PRR12: variants seen among roughly 807,000 people sequenced by gnomAD.
PRR12 encodes proline rich 12.
PRR12 carries 12 observed loss-of-function variants against 138.0 expected under a neutral mutation model. The ratio of observed to expected loss-of-function variants is 0.09; its 90% CI spans 0.06 to 0.14. The LOEUF is 0.14. Ranked by LOEUF, PRR12 falls within the 10% of genes least tolerant of loss-of-function variation. The probability of loss-of-function intolerance (pLI) is 1.00; values close to 1 mark genes in which losing one functional copy is unlikely to be tolerated. For synonymous variants in PRR12, 1,567 were observed against 1,291.7 expected (o/e 1.21, Z -4.57); for missense variants, 2,692 against 2,861.3 (o/e 0.94, Z 1.35).
At chr19:49,621,034 C>T (rs1166703922) in intron 10 of PRR12, among the ~76,000 whole-genome samples, 8 of 91,464 alleles carry the variant, frequency 8.7e-5, no homozygotes, top group East Asian at 3.7e-4. Flanking sequence ...GTCTGGACTC[C>T]TGGGTCTGAG....
At chr19:49,600,538 C>A (rs1414542848) in intron 5 of PRR12, among the ~76,000 whole-genome samples, 1 of 151,072 alleles carries the variant, frequency 6.6e-6, no homozygotes, top group Non-Finnish European at 1.5e-5. Flanking sequence ...GTAATCCTAG[C>A]ACACTTTGGG....
In PRR12 at chr19:49,615,899, C is replaced by T. The variant is rs1260798213; in HGVS notation, c.5177C>T (p.Pro1726Leu). 2 of 1,568,220 alleles carry T rather than the reference C, an allele frequency of 1.3e-6. No individual in the cohort carries two copies. Among genetic ancestry groups the T allele is most frequent in the South Asian group, 2.3e-5 (2 of 85,544 alleles). ...EQTPETAMPE[P>L]PAPEKPSLLR... The stretch of plus-strand genomic sequence containing the variant: ...ACTCCTGAGACGGCCATGCCTGAGC[C>T]CCCTGCCCCCGAGAAGCCCTCCCTC... Residue 1726 changes from proline (P) to leucine (L), a missense_variant, in exon 9 of 14, where the codon CCC becomes CTC. Transcript: ENST00000418929.
chr19:49,620,900 G>A (rs2080919157), intron 10 of PRR12, among the ~76,000 whole-genome samples: 5 of 147,028 alleles, frequency 3.4e-5, no homozygotes, highest in Non-Finnish European at 7.5e-5. Flanking sequence ...TGGACTCCCA[G>A]GTCTGAGGAA....
intron 6 of PRR12, among the ~76,000 whole-genome samples, chr19:49,607,713 GAAAA>G (rs1171813856): frequency 8.7e-6 from 1 of 115,564 alleles, no homozygotes; most frequent in Non-Finnish European, 1.8e-5. Flanking sequence ...GTCTCAAAAA[GAAAA>G]AAAAAAAAGA....
Position 49,599,466 on chromosome 19 carries a change from A to G in PRR12, c.3873A>G (p.Ser1291=). ...CCTCCTTCTTGGACTTCCTCAAGTC[A>G]GGCAAGCGCCACCCACCACTCTACC... ...FMASFLDFLK[S]GKRHPPLYQA... is the part of the protein sequence containing the mutation. Residue 1291 remains serine (S), a synonymous_variant, in exon 5 of 14, where the codon TCA becomes TCG. Coordinates refer to ENST00000418929, the MANE Select transcript of PRR12 (RefSeq NM_020719.3). This position sits in a 1 kb window ranked among gnomAD's most constrained non-coding sequence, Gnocchi z 5.0. 1.9e-6 allele frequency: 3 copies of G among 1,602,200 alleles called. No homozygotes were observed. The South Asian group carries it at 3.4e-5, about 18-fold the overall frequency.
chr19:49,597,102 G>C lies in PRR12; in HGVS notation c.2767G>C (p.Ala923Pro). 6.4e-7 allele frequency: 1 copy of C among 1,551,274 alleles called. No homozygotes were observed. The highest frequency in any genetic ancestry group is 8.7e-7 in the Non-Finnish European group (1 of 1,147,560). The change falls in exon 4 of 14, where the codon GCG (alanine) becomes CCG (proline). Residue 923 changes from alanine to proline, a missense_variant. Ala to Pro is a conservative substitution (Grantham distance 27). Transcript: ENST00000418929. This position sits in a 1 kb window ranked among gnomAD's most constrained non-coding sequence, Gnocchi z 6.3. ...CAGCCCCAGCCCGCAAGGCACCAAGGCGCCGCGTTTCGTGCCGCTCACCTC... is the reference window on the plus strand; with the variant it reads ...CAGCCCCAGCCCGCAAGGCACCAAGCCGCCGCGTTTCGTGCCGCTCACCTC... ...YRSPSPQGTK[A>P]PRFVPLTSIC...
At chr19:49,622,817 G>A (rs1339064478) in intron 11 of PRR12, among the ~76,000 whole-genome samples, 67 of 146,898 alleles carry the variant, frequency 4.6e-4, no homozygotes, top group Admixed American at 6.8e-4. Context: ...GCGTGAACCC[G>A]GGAGGCGGAG....
At position 49,624,882 on chromosome 19, in the gene PRR12, G is replaced by C. The variant is rs1185742907; in HGVS notation, c.5760G>C (p.Gln1920His). The C allele has an allele frequency of 3.1e-6, 5 of 1,611,626 alleles. No homozygotes were observed. Among genetic ancestry groups the C allele is most frequent in the Non-Finnish European group, 4.2e-6 (5 of 1,179,072 alleles). The change falls in exon 12 of 14, where the codon CAG becomes CAC. Residue 1920 changes from glutamine to histidine, a missense_variant. By Grantham distance (24) the Gln-to-His change is conservative (BLOSUM62 0). Coordinates refer to ENST00000418929, the MANE Select transcript of PRR12 (RefSeq NM_020719.3). Reference protein sequence around the residue: ...LHTFPQLQVEQSGEGSPEEGA... With the variant: ...LHTFPQLQVEHSGEGSPEEGA... ...CGTTCCCACAGCTGCAAGTGGAGCA[G>C]AGTGGGGAGGGCTCTCCGGAAGAGG... is the stretch of plus-strand genomic sequence containing the variant.
Position 49,599,817 on chromosome 19 carries a change from A to C in PRR12, c.4224A>C (p.Pro1408=). 6.2e-7 allele frequency: 1 copy of C among 1,612,728 alleles called. No individual in the cohort carries two copies. Among genetic ancestry groups the C allele is most frequent in the Non-Finnish European group, 8.5e-7 (1 of 1,179,682 alleles). The change falls in exon 5 of 14, where the codon CCA becomes CCC. Residue 1408 remains proline, a synonymous_variant. Transcript: ENST00000418929. The surrounding 1 kb of genome is among the most constrained non-coding windows in gnomAD (Gnocchi z 5.0). Reference sequence around the variant, plus strand: ...CCGCCATCTCTGCCCTCGATGACCCACCCCTTGCTGGGCCAAAAGACACTT... The same window carrying C: ...CCGCCATCTCTGCCCTCGATGACCCCCCCCTTGCTGGGCCAAAAGACACTT... ...ISSAISALDD[P]PLAGPKDTST...
In PRR12 at chr19:49,624,886, G is replaced by T. The variant is rs769282572; in HGVS notation, c.5764G>T (p.Gly1922Trp). The T allele has an allele frequency of 5.0e-6, 8 of 1,611,102 alleles. No homozygotes were observed. The highest frequency in any genetic ancestry group is 4.5e-5 in the East Asian group (2 of 44,878). Residue 1922 changes from glycine (G) to tryptophan (W), a missense_variant, in exon 12 of 14, where the codon GGG becomes TGG. By Grantham distance (184) the Gly-to-Trp change is radical (BLOSUM62 -2). Around this residue, in one of 11 missense-constraint regions of PRR12, gnomAD observed 116 missense variants for 243.4 expected, o/e 0.48. Transcript: ENST00000418929. ...CCCACAGCTGCAAGTGGAGCAGAGT[G>T]GGGAGGGCTCTCCGGAAGAGGGGGC... ...TFPQLQVEQS[G>W]EGSPEEGAVR...
In PRR12 at chr19:49,596,356, T is replaced by C. The variant is rs896832095; in HGVS notation, c.2021T>C (p.Leu674Pro). The C allele has an allele frequency of 6.2e-7, 1 of 1,609,462 alleles. No individual in the cohort carries two copies. The highest frequency in any genetic ancestry group is 1.7e-5 in the Admixed American group (1 of 59,834). Residue 674 changes from leucine to proline, a missense_variant, in exon 4 of 14, where the codon CTT becomes CCT. By Grantham distance (98) the Leu-to-Pro change is moderately conservative (BLOSUM62 -3). Transcript: ENST00000418929. This position sits in a 1 kb window ranked among gnomAD's most constrained non-coding sequence, Gnocchi z 5.6. ...EDGAADASKG[L>P]GGSGGAGGPP... ...GGGGCAGCAGATGCCTCTAAGGGAC[T>C]TGGGGGGAGTGGCGGGGCCGGGGGA...
intron 6 of PRR12, among the ~76,000 whole-genome samples, chr19:49,609,692 G>A (rs1039507115): frequency 4.6e-5 from 7 of 152,186 alleles, no homozygotes; most frequent in Admixed American, 6.5e-5. Flanking sequence ...GCCCTGTGGT[G>A]AGGGAAAGCA....
In PRR12 at chr19:49,595,712, A is replaced by G; in HGVS notation, c.1377A>G (p.Gln459=). The G allele has an allele frequency of 1.3e-6, 2 of 1,589,426 alleles. No individual in the cohort carries two copies. The highest frequency in any genetic ancestry group is 1.7e-4 in the Middle Eastern group (1 of 5,892). ...QGLLGPQAYG[Q]GFGGGQAQDL... is the part of the protein sequence containing the mutation. ...TTCTGGGACCCCAGGCCTACGGGCA[A>G]GGGTTTGGAGGGGGGCAGGCACAGG... The change falls in exon 4 of 14, where the codon CAA becomes CAG. Residue 459 remains glutamine, a synonymous_variant. Transcript: ENST00000418929.
Position 49,591,808 on chromosome 19 carries a change from CGGG to C in PRR12, c.86+69_86+71del, listed in dbSNP as rs2080729550. 3.0e-6 allele frequency: 3 copies of C among 990,908 alleles called. No homozygotes were observed. In the African/African-American group the frequency reaches 5.1e-5, roughly 17 times the overall value. 61.4% of individuals were successfully genotyped at this position (990,908 alleles called of 1,614,324 possible). A position where few individuals can be genotyped will look rare whatever the true frequency, so the allele number is the denominator to read the frequency against. On this transcript the variant is annotated intron_variant, in intron 1 of 13. Coordinates refer to ENST00000418929, the MANE Select transcript of PRR12 (RefSeq NM_020719.3). ...GGAGCCCAGCCGGGCCGGGCCGGGC[CGGG>C]CCGGGCCCGCCCGGCGACGCGTGCA...
At chr19:49,601,263 G>A (rs2080808284) in intron 5 of PRR12, among the ~76,000 whole-genome samples, 1 of 152,034 alleles carries the variant, frequency 6.6e-6, no homozygotes, top group Non-Finnish European at 1.5e-5. Flanking sequence ...ACCACAAAGA[G>A]ACATTCCAGG....
In PRR12 at chr19:49,625,335, A is replaced by T; in HGVS notation, c.5965-126A>T. On this transcript the variant is annotated intron_variant, in intron 13 of 13. Transcript: ENST00000418929. The surrounding 1 kb of genome is among the most constrained non-coding windows in gnomAD (Gnocchi z 5.5). ...AGGTCCTTCTGTCTTGGACTTAAGA[A>T]TGCAGCCCCCAGCCCTGGTCTCCCT... 1 of 1,437,962 alleles carries T rather than the reference A, an allele frequency of 7.0e-7. No homozygotes were observed. Among genetic ancestry groups the T allele is most frequent in the Non-Finnish European group, 9.5e-7 (1 of 1,055,564 alleles). 89.1% of individuals were successfully genotyped at this position (1,437,962 alleles called of 1,614,324 possible).
rs2080883895 is a variant in PRR12 at position 49,614,960 on chromosome 19, G to A, written c.4975G>A (p.Val1659Met). The change falls in exon 8 of 14, where the codon GTG becomes ATG. Residue 1659 changes from valine to methionine, a missense_variant. Val to Met is a conservative substitution (Grantham distance 21). This residue lies in a region of PRR12 where 92 missense variants were observed against 174.1 expected (regional missense o/e 0.53). Transcript: ENST00000418929. The surrounding 1 kb of genome is among the most constrained non-coding windows in gnomAD (Gnocchi z 5.0). ...FLENVNKKDY[V>M]RVCARKPWHR... is the part of the protein sequence containing the mutation. ...GGAAAATGTCAATAAGAAGGACTAC[G>A]TGAGGGTCTGTGCTCGGAAACCCTG... is the stretch of plus-strand genomic sequence containing the variant. 1 of 1,614,032 alleles carries A rather than the reference G, an allele frequency of 6.2e-7. No homozygotes were observed. Among genetic ancestry groups the A allele is most frequent in the Non-Finnish European group, 8.5e-7 (1 of 1,179,902 alleles).
At chr19:49,615,644 T>G (rs1599799445) in intron 8 of PRR12, 103 bp from the exon 9 acceptor site, 22 of 902,398 alleles carry the variant, frequency 2.4e-5, no homozygotes, top group Non-Finnish European at 3.3e-5. Context: ...GGGGACAGTA[T>G]GAGAGAAGCT....
chr19:49,620,194 G>A (rs1340008032), intron 9 of PRR12, among the ~76,000 whole-genome samples, 158 bp from the exon 10 acceptor site: 1 of 152,182 alleles, frequency 6.6e-6, no homozygotes, highest in African/African-American at 2.4e-5. Context: ...ACAAGAGCAC[G>A]TGGCACTGGC....
Sources: gnomAD v4.1 joint callset for allele counts (sites outside exome capture counted in the v4.1 genomes callset) on GRCh38, gnomAD v4.1.1 for gene constraint, gnomAD v4.1.1 regional missense constraint, Gnocchi (gnomAD v3.1) non-coding constraint, MANE v1.5 for transcripts, NCBI Gene and HGNC (gene_info 2026-07-23, HGNC 2026-07-21) for gene names.